Variants in SPATA31C1 observed in about 807,000 individuals in gnomAD.
SPATA31C1 encodes the protein SPATA31 subfamily C member 1.
At chr9:87,922,217 G>A (rs1345203084) in exon 5 of SPATA31C1, 1 of 1,613,366 alleles carries the variant, frequency 6.2e-7, no homozygotes, top group East Asian at 2.2e-5. Context: ...CAGCTGGACA[G>A]GAGGGCAGGT....
chr9:87,919,370 C>T (rs751428414), intron 3 of SPATA31C1, 22 bp downstream of exon 2: 6 of 1,601,486 alleles, frequency 3.7e-6, no homozygotes, highest in South Asian at 3.3e-5. Context: ...CCAGGGCACA[C>T]TAGAGTTAAT....
downstream of SPATA31C1, chr9:87,923,613 A>G (rs992955422): frequency 1.5e-6 from 1 of 682,620 alleles, no homozygotes. Flanking sequence ...ATGTTAGTAC[A>G]CGCAGAACAT....
Position 87,920,541 on chromosome 9 carries a change from C to T in SPATA31C1, n.931C>T, listed in dbSNP as rs745584148. 1.9e-6 allele frequency: 3 copies of T among 1,613,720 alleles called. No individual in the cohort carries two copies. In the African/African-American group the frequency reaches 4.0e-5, roughly 22 times the overall value. ...TCTCCTAGAACGCCCCTCACCCGAG[C>T]CACCTGCACTTTTCCCTCACCCACC... is the stretch of plus-strand genomic sequence containing the variant. On this transcript the variant is annotated non_coding_transcript_exon_variant, in exon 5 of 5. Coordinates refer to ENST00000420021, the Ensembl canonical transcript of SPATA31C1.
At position 87,915,635 on chromosome 9, in the gene SPATA31C1, A is replaced by T. The variant is rs555689991; in HGVS notation, n.189+925A>T. Among the ~76,000 whole-genome samples the T allele has an allele frequency of 1.4e-5, 2 of 144,000 alleles. 1 individual carries two copies. Among genetic ancestry groups the T allele is most frequent in the Non-Finnish European group, 3.1e-5 (2 of 64,922 alleles). 94.5% of individuals were successfully genotyped at this position (144,000 alleles called of 152,430 possible). A position where few individuals can be genotyped will look rare whatever the true frequency, so the allele number is the denominator to read the frequency against. ...TTTTTTAATAAAGACATGAGGTTAGATTGAGGTTATTGTTTTGTCTATGGT... is the reference window on the plus strand; with the variant it reads ...TTTTTTAATAAAGACATGAGGTTAGTTTGAGGTTATTGTTTTGTCTATGGT... On this transcript the variant is annotated intron_variant and non_coding_transcript_variant, in intron 1 of 4. Coordinates refer to ENST00000420021, the Ensembl canonical transcript of SPATA31C1.
chr9:87,922,824 C>T (rs9410980), exon 5 of SPATA31C1: 49,748 of 1,606,262 alleles, frequency 0.031, 892 homozygotes, highest in Middle Eastern at 0.05. Context: ...CTTAGAAAAA[C>T]ATGAAGAAAT....
rs765122638 is a variant in SPATA31C1 at position 87,919,360 on chromosome 9, C to T, written n.580+12C>T. The stretch of plus-strand genomic sequence containing the variant: ...CCACAGTCTGAGAGGTAAGGCTCTG[C>T]CAGGGCACACTAGAGTTAATTTGAT... On this transcript the variant is annotated intron_variant and non_coding_transcript_variant, in intron 3 of 4. Coordinates refer to ENST00000420021, the Ensembl canonical transcript of SPATA31C1. 1.2e-5 allele frequency: 19 copies of T among 1,602,090 alleles called. 1 individual carries two copies. In the South Asian group the frequency reaches 2.0e-4, roughly 17 times the overall value.
chr9:87,920,402 T>C (rs1270761840), exon 5 of SPATA31C1: 1 of 1,613,832 alleles, frequency 6.2e-7, no homozygotes, highest in African/African-American at 1.3e-5. Context: ...CCCCGTTAGC[T>C]TCCCCGGATC....
rs1483386555 is a variant in SPATA31C1, at chr9:87,922,012, G to C, written n.2402G>C. The stretch of plus-strand genomic sequence containing the variant: ...CCCTCCTCAGACACCTGCGAATCTG[G>C]GGCTGGCTCAAAAGTTGAGGTGGCC... On this transcript the variant is annotated non_coding_transcript_exon_variant, in exon 5 of 5. Coordinates refer to ENST00000420021, the Ensembl canonical transcript of SPATA31C1. 9.9e-6 allele frequency: 16 copies of C among 1,613,660 alleles called. No individual in the cohort carries two copies. In the Admixed American group the frequency reaches 2.7e-4, roughly 27 times the overall value.
intron 1 of SPATA31C1, among the ~76,000 whole-genome samples, chr9:87,916,113 T>A (rs1398337563): frequency 1.4e-5 from 2 of 143,840 alleles, no homozygotes; most frequent in Non-Finnish European, 3.1e-5. Flanking sequence ...TAGGAGGGTA[T>A]CTGGCTAAAC....
chr9:87,921,571 G>A, exon 5 of SPATA31C1: 1 of 1,612,030 alleles, frequency 6.2e-7, no homozygotes, highest in African/African-American at 1.3e-5. Context: ...GAGTCAGAAA[G>A]GAACCTGAGG....
chr9:87,922,127 C>G, exon 5 of SPATA31C1: 1 of 1,613,828 alleles, frequency 6.2e-7, no homozygotes, highest in Non-Finnish European at 8.5e-7. Context: ...TTCAGGCCTC[C>G]TCACCTGCAT....
chr9:87,916,786 A>C (rs1240866216), intron 1 of SPATA31C1, among the ~76,000 whole-genome samples: 7 of 87,948 alleles, frequency 8.0e-5, no homozygotes, highest in South Asian at 4.9e-4. Flanking sequence ...TCACAAGGTC[A>C]GGAGAACAAG....
chr9:87,917,025 A>G (rs1828744661), intron 1 of SPATA31C1, among the ~76,000 whole-genome samples: 1 of 122,470 alleles, frequency 8.2e-6, no homozygotes, highest in Non-Finnish European at 1.7e-5. Context: ...CAGGTCCTGC[A>G]CATGTACCCC....
Position 87,923,341 on chromosome 9 carries a change from G to A in SPATA31C1, n.3731G>A, listed in dbSNP as rs772547370. The A allele has an allele frequency of 2.5e-6, 4 of 1,602,216 alleles. No homozygotes were observed. The East Asian group carries it at 9.0e-5, about 36-fold the overall frequency. Reference sequence around the variant, plus strand: ...ATCAGAGATCAGCAGCCCTTGAAAAGTGTCCGGTGCAACAATGAGCAATGG... The same window carrying A: ...ATCAGAGATCAGCAGCCCTTGAAAAATGTCCGGTGCAACAATGAGCAATGG... On this transcript the variant is annotated non_coding_transcript_exon_variant, in exon 5 of 5. Coordinates refer to ENST00000420021, the Ensembl canonical transcript of SPATA31C1.
exon 5 of SPATA31C1, chr9:87,921,699 A>G (rs1429599706): frequency 6.2e-7 from 1 of 1,612,036 alleles, no homozygotes; most frequent in Non-Finnish European, 8.5e-7. Context: ...CGAGGGCTTG[A>G]TCCCCGTGAG....
intron 1 of SPATA31C1, among the ~76,000 whole-genome samples, chr9:87,917,097 G>C (rs1300969874): frequency 7.2e-6 from 1 of 138,092 alleles, no homozygotes; most frequent in African/African-American, 2.6e-5. Context: ...AATTGTATGT[G>C]GGTAGGTCCC....
At chr9:87,919,145 G>A (rs773887234) in intron 2 of SPATA31C1, 110 bp from the exon 2 acceptor site, 22 of 1,503,430 alleles carry the variant, frequency 1.5e-5, no homozygotes, top group Middle Eastern at 1.7e-4. Flanking sequence ...AGCACACAGA[G>A]CTCCCTGAGC....
At chr9:87,915,151 G>C (rs891064253) in intron 1 of SPATA31C1, among the ~76,000 whole-genome samples, 2 of 59,916 alleles carry the variant, frequency 3.3e-5, no homozygotes, top group Non-Finnish European at 7.3e-5. Context: ...TCCCACCGGG[G>C]CCTGGCATCT....
chr9:87,922,441 G>C, exon 5 of SPATA31C1: 1 of 1,610,424 alleles, frequency 6.2e-7, no homozygotes. Flanking sequence ...CTACTCCCTA[G>C]AATGTCTGTC....
Sources: gnomAD v4.1 joint callset for allele counts (sites outside exome capture counted in the v4.1 genomes callset) on GRCh38, gnomAD v4.1.1 for gene constraint, MANE v1.5 for transcripts, NCBI Gene and HGNC (gene_info 2026-07-23, HGNC 2026-07-21) for gene names.